The following KIF24 variants were observed in gnomAD, a reference collection of about 807,000 sequenced individuals.
The protein encoded by KIF24 is kinesin-like protein KIF24.
Under a neutral mutation model 118.9 loss-of-function variants are expected in KIF24, and 81 were observed. That is an observed-to-expected ratio of 0.68 (90% confidence interval 0.57 to 0.82). The LOEUF (loss-of-function observed/expected upper bound fraction) is 0.82, where lower values mean the gene tolerates loss of function less well. KIF24 is among the 40% of genes least tolerant of loss of function. KIF24 has a pLI of 0.00. For missense variants in KIF24, 1,560 were observed against 1,661.6 expected (o/e 0.94, Z 1.06); for synonymous variants, 599 against 610.0 (o/e 0.98, Z 0.27).
rs1182435744 is a variant in KIF24 at position 34,257,281 on chromosome 9, G to A, written c.2326C>T (p.Leu776Phe). 4 of 1,614,054 alleles carry A rather than the reference G, an allele frequency of 2.5e-6. No individual in the cohort carries two copies. The highest frequency in any genetic ancestry group is 1.3e-5 in the African/African-American group (1 of 75,064). Residue 776 changes from leucine (L) to phenylalanine (F), a missense_variant, in exon 11 of 13, where the codon CTC (leucine) becomes TTC (phenylalanine). Physicochemically the swap from Leu to Phe is conservative, Grantham distance 22. Transcript: ENST00000402558. ...TGGTATTTTAACTTCTGTTGGAGGA[G>A]AGGTGGCTGTTGGAACTGCTGGTGA... Reference protein sequence around the residue: ...FYHQQFQQPPLLQQKLKYQPL... With the variant: ...FYHQQFQQPPFLQQKLKYQPL...
rs1446739570 is a variant in KIF24, at chr9:34,257,267, C to T, written c.2340G>A (p.Lys780=). The T allele has an allele frequency of 6.2e-7, 1 of 1,614,042 alleles. No homozygotes were observed. The highest frequency in any genetic ancestry group is 8.5e-7 in the Non-Finnish European group (1 of 1,179,896). The stretch of plus-strand genomic sequence containing the variant: ...ACCTTTTCAGTGGTTGGTATTTTAA[C>T]TTCTGTTGGAGGAGAGGTGGCTGTT... ...QFQQPPLLQQ[K]LKYQPLKRSL... The change falls in exon 11 of 13, where the codon AAG becomes AAA. Residue 780 remains lysine, a synonymous_variant. Transcript: ENST00000402558.
At chr9:34,290,480 A>T (rs1836215719) in intron 4 of KIF24, 91 bp from the exon 5 acceptor site, 7 of 759,938 alleles carry the variant, frequency 9.2e-6, no homozygotes, top group South Asian at 2.0e-5. Flanking sequence ...AAATGTAAAC[A>T]TAGAATCTTA....
At position 34,290,275 on chromosome 9, in the gene KIF24, C is replaced by T. The variant is rs761346126; in HGVS notation, c.1026G>A (p.Arg342=). The change falls in exon 5 of 13, where the codon AGG becomes AGA. Residue 342 remains arginine, a synonymous_variant. Transcript: ENST00000402558. ...TTCTTGGCTGGGACACTTCTAGTTGCCTGAAGATATCTTTGGCAGCTAGAG... is the reference window on the plus strand; with the variant it reads ...TTCTTGGCTGGGACACTTCTAGTTGTCTGAAGATATCTTTGGCAGCTAGAG... ...LYALAAKDIF[R]QLEVSQPRKH... The T allele has an allele frequency of 1.2e-5, 20 of 1,613,734 alleles. No individual in the cohort carries two copies. In the South Asian group the frequency reaches 1.8e-4, roughly 14 times the overall value.
chr9:34,257,827 G>A lies in KIF24; in HGVS notation c.1780C>T (p.Gln594Ter), dbSNP rs1834916240. 6.2e-7 allele frequency: 1 copy of A among 1,613,914 alleles called. No individual in the cohort carries two copies. Among genetic ancestry groups the A allele is most frequent in the Non-Finnish European group, 8.5e-7 (1 of 1,179,906 alleles). The change falls in exon 11 of 13, where the codon CAG becomes TAG. Residue 594 changes from glutamine to a stop codon, truncating the protein, a stop_gained. Coordinates refer to ENST00000402558, the MANE Select transcript of KIF24 (RefSeq NM_194313.4). LOFTEE classifies it high-confidence loss of function. ...SPKKVKLGFQ[Q>*]SLTVAAPGST... ...CCAGGGGCTGCCACTGTGAGTGACTGCTGAAATCCCAGCTTGACTTTTTTG... is the reference window on the plus strand; with the variant it reads ...CCAGGGGCTGCCACTGTGAGTGACTACTGAAATCCCAGCTTGACTTTTTTG...
chr9:34,287,928 AG>A (rs1836111336), intron 5 of KIF24, among the ~76,000 whole-genome samples: 1 of 151,322 alleles, frequency 6.6e-6, no homozygotes, highest in African/African-American at 2.4e-5. Flanking sequence ...AAAAAAAAAA[AG>A]GAAGATCTAA....
chr9:34,327,970 G>A (rs1837731913), intron 1 of KIF24, among the ~76,000 whole-genome samples: 1 of 151,996 alleles, frequency 6.6e-6, no homozygotes, highest in African/African-American at 2.4e-5. Context: ...CAGCTATAAG[G>A]TAGTGTTTCA....
At chr9:34,317,341 G>A (rs369573909) in intron 1 of KIF24, among the ~76,000 whole-genome samples, 8 of 151,622 alleles carry the variant, frequency 5.3e-5, no homozygotes, top group African/African-American at 1.9e-4. Flanking sequence ...AGTGAGCCAA[G>A]ATCACGCCAC....
At chr9:34,260,280 G>GGA (rs1835005747) in intron 9 of KIF24, among the ~76,000 whole-genome samples, 2 of 152,138 alleles carry the variant, frequency 1.3e-5, no homozygotes, top group South Asian at 4.1e-4. Context: ...ACCAAAAAAA[G>GGA]TATATATGAT....
rs780485598 is a variant in KIF24 at position 34,286,666 on chromosome 9, A to G, written c.1166T>C (p.Ile389Thr). ...CACCTGAAGCTCTTGCAGTCCCACT[A>G]TCTGCACCATGTGCTTGCTATCTTC... ...AREDSKHMVQ[I>T]VGLQELQVDS... The change falls in exon 6 of 13, where the codon ATA becomes ACA. Residue 389 changes from isoleucine (I) to threonine (T), a missense_variant. Transcript: ENST00000402558. 15 of 1,613,614 alleles carry G rather than the reference A, an allele frequency of 9.3e-6. No individual in the cohort carries two copies. Among genetic ancestry groups the G allele is most frequent in the Non-Finnish European group, 1.2e-5 (14 of 1,179,690 alleles).
chr9:34,259,573 C>T, intron 10 of KIF24, 23 bp downstream of exon 10: 1 of 1,576,318 alleles, frequency 6.3e-7, no homozygotes, highest in Non-Finnish European at 8.7e-7. Context: ...TACACACAAC[C>T]TGCCATCTGG....
chr9:34,296,218 C>CAA (rs575004699), intron 4 of KIF24, among the ~76,000 whole-genome samples: 8 of 51,872 alleles, frequency 1.5e-4, no homozygotes, highest in Admixed American at 2.5e-4. Flanking sequence ...GACTCTGTCT[C>CAA]AAAAAAAAAA....
chr9:34,263,202 T>C (rs1468076875), intron 8 of KIF24, 30 bp from the exon 9 acceptor site: 6 of 1,571,760 alleles, frequency 3.8e-6, no homozygotes, highest in Non-Finnish European at 5.2e-6. Context: ...GCACATCAAG[T>C]ATCAAGTGCA....
intron 6 of KIF24, 89 bp from the exon 7 acceptor site, chr9:34,272,019 A>G: frequency 1.6e-6 from 2 of 1,254,204 alleles, no homozygotes; most frequent in Non-Finnish European, 2.2e-6. Context: ...TAGACAGCAG[A>G]CATATAATTG....
chr9:34,271,917 C>T lies in KIF24; in HGVS notation c.1229G>A (p.Gly410Asp). 1 of 1,596,270 alleles carries T rather than the reference C, an allele frequency of 6.3e-7. No individual in the cohort carries two copies. The highest frequency in any genetic ancestry group is 8.5e-7 in the Non-Finnish European group (1 of 1,170,772). The change falls in exon 7 of 13, where the codon GGC becomes GAC. Residue 410 changes from glycine to aspartate, a missense_variant. Around this residue, in one of 3 missense-constraint regions of KIF24, gnomAD observed 964 missense variants for 988.0 expected, o/e 0.98. Coordinates refer to ENST00000402558, the MANE Select transcript of KIF24 (RefSeq NM_194313.4). Reference protein sequence around the residue: ...VELLLEVILKGSKERSTGATG... With the variant: ...VELLLEVILKDSKERSTGATG... Reference sequence around the variant, plus strand: ...GGCCCCAGTGCTGCGCTCCTTGCTGCCCTTTAAGATCACCTGAAAATAAAA... The same window carrying T: ...GGCCCCAGTGCTGCGCTCCTTGCTGTCCTTTAAGATCACCTGAAAATAAAA...
chr9:34,271,996 T>C, intron 6 of KIF24, 66 bp from the exon 7 acceptor site: 1 of 1,479,200 alleles, frequency 6.8e-7, no homozygotes, highest in Non-Finnish European at 9.1e-7. Context: ...TACTAAGAGT[T>C]GGCTAAGAGC....
At chr9:34,275,037 C>CA (rs1036979707) in intron 6 of KIF24, among the ~76,000 whole-genome samples, 47 of 151,570 alleles carry the variant, frequency 3.1e-4, no homozygotes, top group African/African-American at 9.4e-4. Context: ...AATAGGTACA[C>CA]AAAAAAAAGA....
At chr9:34,303,007 T>C (rs1836782681) in intron 3 of KIF24, among the ~76,000 whole-genome samples, 1 of 149,120 alleles carries the variant, frequency 6.7e-6, no homozygotes, top group Admixed American at 6.6e-5. Flanking sequence ...ATCTCCTGAC[T>C]TTGTGACCCA....
At chr9:34,254,746 G>GA (rs1834753757) in intron 12 of KIF24, among the ~76,000 whole-genome samples, 1 of 152,146 alleles carries the variant, frequency 6.6e-6, no homozygotes, top group Non-Finnish European at 1.5e-5. Context: ...GTATTTGGTA[G>GA]AAATACCTAC....
chr9:34,263,577 C>G (rs1835174197), intron 8 of KIF24, among the ~76,000 whole-genome samples: 1 of 152,122 alleles, frequency 6.6e-6, no homozygotes, highest in Non-Finnish European at 1.5e-5. Flanking sequence ...ATATCCACTT[C>G]CCCACTCCCT....
Sources: allele counts gnomAD v4.1 joint callset (sites outside exome capture counted in the v4.1 genomes callset), GRCh38; gene constraint gnomAD v4.1.1; regional missense constraint gnomAD v4.1.1; transcripts MANE v1.5; gene names NCBI Gene and HGNC (gene_info 2026-07-23, HGNC 2026-07-21).